Variants in GALNT13 observed in about 807,000 individuals in gnomAD.
GALNT13 encodes UDP-GalNAc:polypeptide N-acetylgalactosaminyltransferase 13.
Under a neutral mutation model 64.2 loss-of-function variants are expected in GALNT13, and 28 were observed. That is an observed-to-expected ratio of 0.44 (90% confidence interval 0.32 to 0.60). The LOEUF is 0.60. GALNT13 is among the 20% of genes least tolerant of loss of function. The pLI, the probability that GALNT13 is intolerant of heterozygous loss-of-function variation, is 0.05. For missense variants in GALNT13, 577 were observed against 669.8 expected, an observed-to-expected ratio of 0.86 and a Z score of 1.53; for synonymous variants, 214 against 224.6, an observed-to-expected ratio of 0.95 and a Z score of 0.42.
chr2:153,747,836 G>A, the GALNT13 span, among the ~76,000 whole-genome samples: 2 of 152,178 alleles, frequency 1.3e-5, no homozygotes, highest in African/African-American at 4.8e-5. Flanking sequence ...CATTTATGTT[G>A]TTGCAAATGA....
chr2:153,823,324 A>G, the GALNT13 span, among the ~76,000 whole-genome samples: 1 of 152,180 alleles, frequency 6.6e-6, no homozygotes, highest in African/African-American at 2.4e-5. Flanking sequence ...AAAGCAACCC[A>G]AAGTGAAAAG....
chr2:153,227,187 T>A, the GALNT13 span, among the ~76,000 whole-genome samples: 1 of 152,184 alleles, frequency 6.6e-6, no homozygotes, highest in Admixed American at 6.5e-5. Context: ...ATGAAGAAGA[T>A]CTGAGTGGGT....
chr2:153,570,750 G>A, the GALNT13 span, among the ~76,000 whole-genome samples: 1 of 151,954 alleles, frequency 6.6e-6, no homozygotes, highest in Admixed American at 6.6e-5. Flanking sequence ...CACCTTTGTG[G>A]AAAATGAGTT....
chr2:153,339,987 G>A, the GALNT13 span, among the ~76,000 whole-genome samples: 1 of 151,966 alleles, frequency 6.6e-6, no homozygotes, highest in Non-Finnish European at 1.5e-5. Flanking sequence ...GTAACACACT[G>A]TCTTTATTAT....
In GALNT13 at chr2:154,311,274, C is replaced by T. The variant is rs572315842; in HGVS notation, c.1156+9685C>T. Among the ~76,000 whole-genome samples, 142 of 152,034 alleles carry T rather than the reference C, an allele frequency of 9.3e-4. 1 individual carries two copies. Among genetic ancestry groups the T allele is most frequent in the African/African-American group, 2.7e-3 (113 of 41,474 alleles). On this transcript the variant is annotated intron_variant, in intron 9 of 12. Transcript: ENST00000392825. ...ATCGGGGGTCCTGCCCCGATAATCA[C>T]GTAGGTTCTTTTCTATTTTCCTAAG... is the stretch of plus-strand genomic sequence containing the variant.
At chr2:153,087,262 G>C in the GALNT13 span, among the ~76,000 whole-genome samples, 2 of 152,022 alleles carry the variant, frequency 1.3e-5, no homozygotes, top group African/African-American at 4.8e-5. Flanking sequence ...TTTCAATTCT[G>C]ATTATGTGAT....
At chr2:154,391,944 A>T (rs1698813666) in intron 9 of GALNT13, among the ~76,000 whole-genome samples, 1 of 152,240 alleles carries the variant, frequency 6.6e-6, no homozygotes, top group African/African-American at 2.4e-5. Context: ...AGGTCAGAAT[A>T]AACCTGAAGA....
chr2:153,914,698 A>G (rs1302370596), intron 2 of GALNT13, among the ~76,000 whole-genome samples: 1 of 151,916 alleles, frequency 6.6e-6, no homozygotes, highest in East Asian at 1.9e-4. Flanking sequence ...TTATCCGATG[A>G]TTTATATTGA....
At chr2:153,573,252 T>C in the GALNT13 span, among the ~76,000 whole-genome samples, 2 of 152,024 alleles carry the variant, frequency 1.3e-5, no homozygotes, top group Non-Finnish European at 2.9e-5. Context: ...CTTATATAAG[T>C]ATAGCTACTC....
chr2:153,469,643 A>C, the GALNT13 span, among the ~76,000 whole-genome samples: 1 of 152,134 alleles, frequency 6.6e-6, no homozygotes, highest in Non-Finnish European at 1.5e-5. Context: ...TTCCAAGAAA[A>C]GTAAATAAAG....
the GALNT13 span, among the ~76,000 whole-genome samples, chr2:153,346,983 C>A: frequency 6.6e-6 from 1 of 152,148 alleles, no homozygotes; most frequent in Non-Finnish European, 1.5e-5. Context: ...ACCGTGGACC[C>A]CCTTGCTCAA....
At chr2:153,706,355 A>T in the GALNT13 span, among the ~76,000 whole-genome samples, 1 of 152,288 alleles carries the variant, frequency 6.6e-6, no homozygotes, top group Non-Finnish European at 1.5e-5. Context: ...CTACTACCCC[A>T]TCTCCAAGAC....
At chr2:153,310,906 T>C in the GALNT13 span, among the ~76,000 whole-genome samples, 4 of 152,184 alleles carry the variant, frequency 2.6e-5, no homozygotes, top group Non-Finnish European at 1.5e-5. Context: ...CATCTTATTC[T>C]GGCACCCAGA....
chr2:153,403,823 C>A, the GALNT13 span, among the ~76,000 whole-genome samples: 1 of 152,204 alleles, frequency 6.6e-6, no homozygotes, highest in African/African-American at 2.4e-5. Context: ...CCTGCGCCCA[C>A]TGTCTGGCAC....
chr2:154,103,521 A>G lies in GALNT13; in HGVS notation c.143-36816A>G, dbSNP rs148964141. Among the ~76,000 whole-genome samples the G allele has an allele frequency of 7.0e-3, 1,067 of 152,308 alleles. 11 individuals are homozygous for G. The highest frequency in any genetic ancestry group is 0.024 in the African/African-American group (983 of 41,582). ...TGGGATCCATTGATATACAGCTTGCATCATCATTGGAGATATTGAAACACT... is the reference window on the plus strand; with the variant it reads ...TGGGATCCATTGATATACAGCTTGCGTCATCATTGGAGATATTGAAACACT... On this transcript the variant is annotated intron_variant, in intron 3 of 12. Transcript: ENST00000392825.
chr2:154,001,826 G>A (rs1430003018), intron 3 of GALNT13, among the ~76,000 whole-genome samples: 3 of 151,902 alleles, frequency 2.0e-5, no homozygotes, highest in African/African-American at 7.2e-5. Context: ...ACTCCTTTTA[G>A]CATTTATTCA....
the GALNT13 span, among the ~76,000 whole-genome samples, chr2:153,310,016 G>A: frequency 6.6e-6 from 1 of 151,982 alleles, no homozygotes; most frequent in African/African-American, 2.4e-5. Context: ...TGAGATTTTG[G>A]GGATCATTTG....
At chr2:153,996,132 A>T (rs2589471) in intron 3 of GALNT13, among the ~76,000 whole-genome samples, 1 of 152,192 alleles carries the variant, frequency 6.6e-6, no homozygotes, top group Non-Finnish European at 1.5e-5. Flanking sequence ...TGCTGCAATA[A>T]ACATGAGAAT....
chr2:153,478,628 G>T, the GALNT13 span: 1 of 1,338,788 alleles, frequency 7.5e-7, no homozygotes, highest in Non-Finnish European at 1.0e-6. Flanking sequence ...GGCGGCGCTG[G>T]AGGAACAGGT....
Sources: allele counts gnomAD v4.1 joint callset (sites outside exome capture counted in the v4.1 genomes callset), GRCh38; gene constraint gnomAD v4.1.1; transcripts MANE v1.5; gene names NCBI Gene and HGNC (gene_info 2026-07-23, HGNC 2026-07-21).